USP54: variants seen among roughly 807,000 people sequenced by gnomAD.
The protein encoded by USP54 is ubiquitin specific peptidase 54.
In USP54, 87 loss-of-function variants were observed where a neutral mutation model predicts 170.5. The ratio of observed to expected loss-of-function variants is 0.51; its 90% CI spans 0.43 to 0.61. The LOEUF is 0.61. Ranked by LOEUF, USP54 falls within the 20% of genes least tolerant of loss-of-function variation. The pLI, the probability that USP54 is intolerant of heterozygous loss-of-function variation, is 0.00. For missense variants in USP54, 1,786 were observed against 2,047.8 expected, an observed-to-expected ratio of 0.87 and a Z score of 2.47; for synonymous variants, 655 against 742.8, an observed-to-expected ratio of 0.88 and a Z score of 1.92.
chr10:73,561,296 A>C (rs1192537872), intron 4 of USP54, among the ~76,000 whole-genome samples: 1 of 152,086 alleles, frequency 6.6e-6, no homozygotes, highest in Non-Finnish European at 1.5e-5. Context: ...CTATTAAGTC[A>C]AACAATCATA....
At chr10:73,595,206 G>A (rs1193272564), upstream of USP54, among the ~76,000 whole-genome samples, 8 of 151,216 alleles carry the variant, frequency 5.3e-5, no homozygotes, top group East Asian at 1.9e-4. Context: ...GATTACAGGC[G>A]TGAGCCACCA....
intron 9 of USP54, among the ~76,000 whole-genome samples, chr10:73,540,431 A>G (rs1404388725): frequency 6.6e-6 from 1 of 152,056 alleles, no homozygotes; most frequent in Non-Finnish European, 1.5e-5. Context: ...TTAGCCGGGC[A>G]TGGTGGCAGG....
At chr10:73,600,119 C>T (rs1432840514) in intron 1 of USP54, among the ~76,000 whole-genome samples, 3 of 151,904 alleles carry the variant, frequency 2.0e-5, no homozygotes, top group Non-Finnish European at 4.4e-5. Flanking sequence ...CAGGCTGCCT[C>T]GAACTCCTGA....
At chr10:73,606,062 C>T (rs1382312775) in intron 1 of USP54, among the ~76,000 whole-genome samples, 2 of 151,010 alleles carry the variant, frequency 1.3e-5, no homozygotes, top group Non-Finnish European at 1.5e-5. Flanking sequence ...CCTGTAATCC[C>T]AGCCACTCGG....
chr10:73,564,853 AG>A (rs1318485903), intron 4 of USP54, among the ~76,000 whole-genome samples: 3 of 149,584 alleles, frequency 2.0e-5, no homozygotes, highest in African/African-American at 7.5e-5. Flanking sequence ...ACTTGAGGCC[AG>A]GAATTCAAGA....
At chr10:73,551,603 CATG>C (rs902363485) in intron 4 of USP54, among the ~76,000 whole-genome samples, 1 of 152,152 alleles carries the variant, frequency 6.6e-6, no homozygotes, top group African/African-American at 2.4e-5. Flanking sequence ...GGCCTGACGA[CATG>C]ATGATTTGTT....
rs112720011 is a variant in USP54, at chr10:73,620,321, AAAAG to A, written c.-18+5242_-18+5245del. 4.7e-5 allele frequency among the ~76,000 whole-genome samples: 7 copies of A among 148,204 alleles called. 1 individual carries two copies. The highest frequency in any genetic ancestry group is 7.4e-5 in the Non-Finnish European group (5 of 67,888). On this transcript the variant is annotated intron_variant, in intron 1 of 22. Coordinates refer to the USP54 transcript ENST00000339859. The stretch of plus-strand genomic sequence containing the variant: ...GAGCGAGACTCCATCTCAAAAAAAA[AAAAG>A]AAAGAAAGAAAAAAGAAAGTTCTCT...
chr10:73,548,440 T>G (rs952035464), intron 4 of USP54, among the ~76,000 whole-genome samples: 1 of 152,194 alleles, frequency 6.6e-6, no homozygotes, highest in African/African-American at 2.4e-5. Context: ...CGTATGTTTA[T>G]TGCAGCACTA....
intron 18 of USP54, among the ~76,000 whole-genome samples, chr10:73,520,369 C>A (rs1393925480): frequency 6.6e-6 from 1 of 152,174 alleles, no homozygotes; most frequent in Admixed American, 6.5e-5. Flanking sequence ...GAAATAAGAT[C>A]CAAACCTGCA....
At chr10:73,559,596 A>C (rs111747569) in intron 4 of USP54, among the ~76,000 whole-genome samples, 5,286 of 149,160 alleles carry the variant, frequency 0.035, 152 homozygotes, top group South Asian at 0.12. Flanking sequence ...GGCGTGGTGG[A>C]AGGCGCCTGT....
chr10:73,555,193 G>A lies in USP54; in HGVS notation c.241-9521C>T, dbSNP rs558231242. Reference sequence around the variant, plus strand: ...TATCATCACATATGTAATTTAATACGAACTCTTGATCTAACTTTGGGGAAG... The same window carrying A: ...TATCATCACATATGTAATTTAATACAAACTCTTGATCTAACTTTGGGGAAG... On this transcript the variant is annotated intron_variant, in intron 4 of 23. Coordinates refer to ENST00000687698, the MANE Select transcript of USP54 (RefSeq NM_001391956.1). Among the ~76,000 whole-genome samples, 6 of 152,216 alleles carry A rather than the reference G, an allele frequency of 3.9e-5. No homozygotes were observed. The East Asian group carries it at 5.8e-4, about 15-fold the overall frequency.
chr10:73,585,105 G>C (rs1321269289), intron 1 of USP54, among the ~76,000 whole-genome samples: 2 of 152,242 alleles, frequency 1.3e-5, no homozygotes, highest in East Asian at 3.9e-4. Flanking sequence ...TCACAGGAAA[G>C]AAAATTAATA....
At chr10:73,521,690 T>C (rs1318952756) in intron 17 of USP54, among the ~76,000 whole-genome samples, 1 of 152,224 alleles carries the variant, frequency 6.6e-6, no homozygotes, top group Non-Finnish European at 1.5e-5. Context: ...ATATACATAC[T>C]TGTCATAAGC....
At chr10:73,610,165 A>G (rs1330322424) in intron 1 of USP54, among the ~76,000 whole-genome samples, 1 of 152,150 alleles carries the variant, frequency 6.6e-6, no homozygotes, top group African/African-American at 2.4e-5. Flanking sequence ...GTGACAGAAC[A>G]AGGCTCTGCC....
intron 7 of USP54, 183 bp from the exon 8 acceptor site, chr10:73,541,921 G>T: frequency 1.7e-6 from 1 of 600,560 alleles, no homozygotes; most frequent in Non-Finnish European, 2.9e-6. Context: ...CAGATCCAAA[G>T]CTCATAGAAT....
chr10:73,534,730 G>C lies in USP54; in HGVS notation c.1185C>G (p.Ser395=). The change falls in exon 12 of 24, where the codon TCC becomes TCG. Residue 395 remains serine, a synonymous_variant. Transcript: ENST00000687698. ...PSISSDTRTD[S]STESYPYKHS... ...GTTTGTAGGGATAGCTCTCCGTTGA[G>C]GAATCTGTTCGAGTGTCACTTGAGA... is the stretch of plus-strand genomic sequence containing the variant. 1.9e-6 allele frequency: 3 copies of C among 1,614,142 alleles called. 1 individual carries two copies.
intron 4 of USP54, among the ~76,000 whole-genome samples, chr10:73,557,564 C>A (rs551347341): frequency 1.3e-5 from 2 of 151,702 alleles, no homozygotes; most frequent in African/African-American, 4.8e-5. Flanking sequence ...CAGCTCACTG[C>A]AACTTCCACC....
rs933284229 is a variant in USP54, at chr10:73,618,272, G to T, written c.-18+7295C>A. Among the ~76,000 whole-genome samples, 4 of 150,040 alleles carry T rather than the reference G, an allele frequency of 2.7e-5. 1 individual carries two copies. Among genetic ancestry groups the T allele is most frequent in the African/African-American group, 1.0e-4 (4 of 39,534 alleles). On this transcript the variant is annotated intron_variant, in intron 1 of 22. Transcript: ENST00000339859. ...ACTTGTCTTCTCTTTTTAGCAGCAG[G>T]GTCTCACTCTCACTCTGACGTGTAG...
intron 4 of USP54, among the ~76,000 whole-genome samples, chr10:73,557,391 G>C (rs1273071777): frequency 1.3e-5 from 2 of 151,314 alleles, no homozygotes; most frequent in Non-Finnish European, 2.9e-5. Flanking sequence ...GCGCAATCTC[G>C]CTCACTGCAA....
Sources: allele counts gnomAD v4.1 joint callset (sites outside exome capture counted in the v4.1 genomes callset), GRCh38; gene constraint gnomAD v4.1.1; transcripts MANE v1.5; gene names NCBI Gene and HGNC (gene_info 2026-07-23, HGNC 2026-07-21).